The following XRN1 variants were observed in gnomAD, a reference collection of about 807,000 sequenced individuals.
XRN1 encodes 5'-3' exoribonuclease 1.
Under a neutral mutation model 222.3 loss-of-function variants are expected in XRN1, and 67 were observed. The observed-to-expected ratio is 0.30, with a 90% CI of 0.25 to 0.37. The LOEUF is 0.37. Ranked by LOEUF, XRN1 falls within the 10% of genes least tolerant of loss-of-function variation. XRN1 has a pLI of 1.00. For missense variants in XRN1, 1,707 were observed against 2,000.2 expected (o/e 0.85, Z 2.80); for synonymous variants, 643 against 652.4 (o/e 0.99, Z 0.22).
Position 142,379,240 on chromosome 3 carries a change from C to T in XRN1, c.2715+842G>A, listed in dbSNP as rs1398902893. The stretch of plus-strand genomic sequence containing the variant: ...GAGCCAAGATCGTGCCACTGCACTC[C>T]AGCCTGGATGACAGAGCGAAACTCT... On this transcript the variant is annotated intron_variant, in intron 23 of 40. Transcript: ENST00000392981. Among the ~76,000 whole-genome samples, 3 of 152,216 alleles carry T rather than the reference C, an allele frequency of 2.0e-5. No homozygotes were observed. In the East Asian group the frequency reaches 5.8e-4, roughly 29 times the overall value.
chr3:142,343,990 G>A (rs1056726846), intron 33 of XRN1, among the ~76,000 whole-genome samples: 2 of 149,686 alleles, frequency 1.3e-5, no homozygotes, highest in African/African-American at 2.5e-5. Context: ...GGCACAGAAA[G>A]ACAAATTTCA....
At chr3:142,395,975 C>T (rs1397462301) in intron 20 of XRN1, among the ~76,000 whole-genome samples, 1 of 152,166 alleles carries the variant, frequency 6.6e-6, no homozygotes, top group Non-Finnish European at 1.5e-5. Flanking sequence ...CTGTCCCTGA[C>T]TATGACAAAT....
At chr3:142,417,078 G>T in intron 13 of XRN1, 62 bp downstream of exon 13, 5 of 1,080,486 alleles carry the variant, frequency 4.6e-6, no homozygotes, top group East Asian at 2.8e-5. Context: ...TCCTAAATAA[G>T]ACTCTAGTAG....
At chr3:142,378,621 T>C (rs1051537508) in intron 23 of XRN1, among the ~76,000 whole-genome samples, 5 of 151,862 alleles carry the variant, frequency 3.3e-5, no homozygotes, top group Non-Finnish European at 1.5e-5. Flanking sequence ...TGAGGAGAGA[T>C]AAAACTAAGA....
At chr3:142,438,683 G>A (rs1054092114) in intron 1 of XRN1, among the ~76,000 whole-genome samples, 1 of 152,084 alleles carries the variant, frequency 6.6e-6, no homozygotes, top group Non-Finnish European at 1.5e-5. Context: ...CTGCAGTACC[G>A]CCTGGCCACG....
At chr3:142,369,704 T>C (rs1031685240) in intron 27 of XRN1, among the ~76,000 whole-genome samples, 1 of 147,292 alleles carries the variant, frequency 6.8e-6, no homozygotes, top group Non-Finnish European at 1.5e-5. Flanking sequence ...CTGTCAAAAG[T>C]CAATTAAACT....
At chr3:142,389,837 C>T (rs148842938) in intron 20 of XRN1, among the ~76,000 whole-genome samples, 270 of 152,298 alleles carry the variant, frequency 1.8e-3, no homozygotes, top group African/African-American at 6.2e-3. Flanking sequence ...TATTTCTTAA[C>T]TACTAAAACT....
chr3:142,354,088 T>A (rs1355214664), intron 32 of XRN1, among the ~76,000 whole-genome samples: 4 of 152,078 alleles, frequency 2.6e-5, no homozygotes, highest in Non-Finnish European at 4.4e-5. Flanking sequence ...AAATTTATAT[T>A]TTAATTAAAA....
intron 18 of XRN1, 133 bp from the exon 19 acceptor site, chr3:142,400,680 T>C (rs2068095066): frequency 3.3e-6 from 2 of 597,702 alleles, no homozygotes; most frequent in South Asian, 4.9e-5. Context: ...GTGCAGTGAC[T>C]CACACCTGTA....
rs753858282 is a variant in XRN1 at position 142,318,894 on chromosome 3, C to T, written c.4414G>A (p.Val1472Ile). The part of the protein sequence containing the change: ...SFLRMPQTMT[V>I]CQVKLSNGLL... ...CCATTAGATAATTTTACTTGGCAAA[C>T]GGTCATTGTCTAAAAAAAGAGAATA... The change falls in exon 38 of 41, where the codon GTT becomes ATT. Residue 1472 changes from valine (V) to isoleucine (I), a missense_variant. By Grantham distance (29) the Val-to-Ile change is conservative (BLOSUM62 3). Transcript: ENST00000392981. 4.1e-5 allele frequency: 66 copies of T among 1,612,954 alleles called. No homozygotes were observed. In the East Asian group the frequency reaches 4.7e-4, roughly 11 times the overall value.
chr3:142,329,609 T>A lies in XRN1; in HGVS notation c.4229A>T (p.Tyr1410Phe). 6.5e-7 allele frequency: 1 copy of A among 1,535,008 alleles called. No individual in the cohort carries two copies. The highest frequency in any genetic ancestry group is 8.7e-7 in the Non-Finnish European group (1 of 1,152,484). ...QPKQNKKLAS[Y>F]MNKPHSANEY... is the part of the protein sequence containing the mutation. ...ATTAGCACTGTGAGGCTTGTTCATATAAGATGCTACCAAAAAAGAGAAAAG... is the reference window on the plus strand; with the variant it reads ...ATTAGCACTGTGAGGCTTGTTCATAAAAGATGCTACCAAAAAAGAGAAAAG... Residue 1410 changes from tyrosine (Y) to phenylalanine (F), a missense_variant, in exon 37 of 41, where the codon TAT (tyrosine) becomes TTT (phenylalanine). Tyr to Phe is a conservative substitution (Grantham distance 22, BLOSUM62 3). Around this residue, in one of 2 missense-constraint regions of XRN1, gnomAD observed 473 missense variants for 482.0 expected, o/e 0.98. Transcript: ENST00000392981.
intron 20 of XRN1, among the ~76,000 whole-genome samples, chr3:142,396,921 G>A (rs1257118408): frequency 6.6e-6 from 1 of 152,064 alleles, no homozygotes; most frequent in East Asian, 1.9e-4. Flanking sequence ...ATATGGCTTG[G>A]GTGGAAGAGA....
intron 13 of XRN1, among the ~76,000 whole-genome samples, chr3:142,414,557 G>A (rs1577394328): frequency 6.6e-6 from 1 of 151,422 alleles, no homozygotes; most frequent in South Asian, 2.1e-4. Context: ...GTGCAGTGGC[G>A]CGATCCTGGC....
intron 36 of XRN1, among the ~76,000 whole-genome samples, chr3:142,330,207 C>T (rs1254675350): frequency 6.6e-6 from 1 of 152,126 alleles, no homozygotes; most frequent in African/African-American, 2.4e-5. Context: ...AAACAAATGG[C>T]TTTCTTGAGC....
At chr3:142,337,911 A>G (rs534332431) in intron 33 of XRN1, among the ~76,000 whole-genome samples, 39 of 152,342 alleles carry the variant, frequency 2.6e-4, no homozygotes, top group African/African-American at 8.7e-4. Context: ...GAACCACAGA[A>G]GTTAACCAAA....
intron 22 of XRN1, among the ~76,000 whole-genome samples, chr3:142,382,402 G>C (rs1368754995): frequency 2.0e-5 from 3 of 152,012 alleles, no homozygotes; most frequent in African/African-American, 7.3e-5. Flanking sequence ...CTGTCACTAC[G>C]GAATCATGAA....
chr3:142,322,413 G>T (rs549928863), intron 37 of XRN1, among the ~76,000 whole-genome samples: 1 of 152,140 alleles, frequency 6.6e-6, no homozygotes, highest in Admixed American at 6.5e-5. Flanking sequence ...ATGGTCGGGC[G>T]CAGTGGCTCA....
At chr3:142,388,788 G>A (rs1407929953) in intron 20 of XRN1, among the ~76,000 whole-genome samples, 2 of 152,196 alleles carry the variant, frequency 1.3e-5, no homozygotes, top group Admixed American at 1.3e-4. Context: ...CTCAAAGTCT[G>A]CCACTGCTTT....
intron 15 of XRN1, among the ~76,000 whole-genome samples, chr3:142,407,120 T>C (rs753217182): frequency 4.6e-5 from 7 of 152,230 alleles, no homozygotes; most frequent in African/African-American, 7.2e-5. Context: ...TTTGGCATCC[T>C]TAATTCTTGG....
Sources: allele counts gnomAD v4.1 joint callset (sites outside exome capture counted in the v4.1 genomes callset), GRCh38; gene constraint gnomAD v4.1.1; regional missense constraint gnomAD v4.1.1; transcripts MANE v1.5; gene names NCBI Gene and HGNC (gene_info 2026-07-23, HGNC 2026-07-21).